The following ADAM33 variants were observed in gnomAD, a reference collection of about 807,000 sequenced individuals.
The protein encoded by ADAM33 is ADAM metallopeptidase domain 33.
A neutral mutation model predicts 106.2 loss-of-function variants in ADAM33; 103 were observed. The observed-to-expected ratio is 0.97, with a 90% CI of 0.83 to 1.14. ADAM33 has a LOEUF of 1.14. ADAM33 is among the 50% of genes most tolerant of loss of function. The pLI is 0.00. For missense variants in ADAM33, 1,120 were observed against 1,096.6 expected, an observed-to-expected ratio of 1.02 and a Z score of -0.30; for synonymous variants, 483 against 453.0, an observed-to-expected ratio of 1.07 and a Z score of -0.84.
chr20:3,677,282 T>C (rs2088059959), intron 2 of ADAM33, 139 bp from the exon 3 acceptor site: 2 of 634,096 alleles, frequency 3.2e-6, no homozygotes, highest in South Asian at 2.1e-5. Context: ...ACCCCCCACA[T>C]ACTATGGAGG....
rs2087590747 is a variant in ADAM33 at position 3,672,311 on chromosome 20, G to A, written c.1420C>T (p.Leu474=). The change falls in exon 14 of 22, where the codon CTG becomes TTG. Residue 474 remains leucine, a synonymous_variant. Coordinates refer to ENST00000356518, the MANE Select transcript of ADAM33 (RefSeq NM_025220.5). ...CAGTCACCCATGGCCTGGCGGCACA[G>A]CGCTCCAGCCGGCTTCAGCTGCGCA... The part of the protein sequence containing the change: ...VRCLLKPAGA[L]CRQAMGDCDL... The A allele has an allele frequency of 6.2e-7, 1 of 1,612,818 alleles. No homozygotes were observed. Among genetic ancestry groups the A allele is most frequent in the African/African-American group, 1.3e-5 (1 of 74,846 alleles).
intron 1 of ADAM33, among the ~76,000 whole-genome samples, chr20:3,680,807 G>A (rs553295260): frequency 3.6e-4 from 55 of 152,328 alleles, no homozygotes; most frequent in African/African-American, 1.3e-3. Flanking sequence ...CTGTCCACAT[G>A]GCCTTGCGCG....
chr20:3,668,657 G>A lies in ADAM33; in HGVS notation c.*306C>T, dbSNP rs544078183. 15 of 436,290 alleles carry A rather than the reference G, an allele frequency of 3.4e-5. No individual in the cohort carries two copies. The highest frequency in any genetic ancestry group is 7.0e-4 in the Middle Eastern group (1 of 1,436). The allele number at this position is 436,290 out of a possible 1,614,324, so 27.0% of individuals were successfully genotyped here. On this transcript the variant is annotated 3_prime_UTR_variant, in exon 22 of 22. Transcript: ENST00000356518. ...TCCCAGGACAGAGCCCTTTTGGGAT[G>A]GCCAGCACTACCCAGCCTCCACTGG...
At chr20:3,672,083 G>A in intron 14 of ADAM33, 51 bp downstream of exon 14, 1 of 1,589,926 alleles carries the variant, frequency 6.3e-7, no homozygotes, top group Non-Finnish European at 8.6e-7. Context: ...TAGAAAACTG[G>A]CCCCACCAGA....
At chr20:3,681,821 C>G (rs1037845096) in intron 1 of ADAM33, 87 bp downstream of exon 1, 3 of 1,490,122 alleles carry the variant, frequency 2.0e-6, no homozygotes, top group African/African-American at 2.9e-5. Context: ...CCTCCGCGCG[C>G]TGACCCGAGC....
At position 3,669,605 on chromosome 20, in the gene ADAM33, A is replaced by G; in HGVS notation, c.2273T>C (p.Leu758Pro). ...PKDGPHRDHP[L>P]GGVHPMELGP... ...CAACTCCATGGGGTGAACGCCGCCCAGGGGGTGGTCCCTGTGTGGGCCATC... is the reference window on the plus strand; with the variant it reads ...CAACTCCATGGGGTGAACGCCGCCCGGGGGGTGGTCCCTGTGTGGGCCATC... Residue 758 changes from leucine (L) to proline (P), a missense_variant, in exon 20 of 22, where the codon CTG becomes CCG. Transcript: ENST00000356518. 1 of 1,603,564 alleles carries G rather than the reference A, an allele frequency of 6.2e-7. No individual in the cohort carries two copies. The highest frequency in any genetic ancestry group is 8.5e-7 in the Non-Finnish European group (1 of 1,176,118).
At position 3,671,572 on chromosome 20, in the gene ADAM33, A is replaced by G. The variant is rs2087537157; in HGVS notation, c.1905+9T>C. 1 of 1,602,312 alleles carries G rather than the reference A, an allele frequency of 6.2e-7. No homozygotes were observed. Among genetic ancestry groups the G allele is most frequent in the African/African-American group, 1.3e-5 (1 of 74,700 alleles). On this transcript the variant is annotated intron_variant, in intron 16 of 21. Transcript: ENST00000356518. ...AACGGCAAGGAGGGGTCGGGTGGGC[A>G]GAGCTCACCATTCTAGGTCCACACT...
rs1187415514 is a variant in ADAM33 at position 3,672,756 on chromosome 20, C to CGGA, written c.1275_1276insTCC (p.Val425_Glu426insSer). 2 of 1,568,380 alleles carry CGGA rather than the reference C, an allele frequency of 1.3e-6. No individual in the cohort carries two copies. The highest frequency in any genetic ancestry group is 1.7e-6 in the Non-Finnish European group (2 of 1,156,876). On this transcript the variant is annotated inframe_insertion, in exon 12 of 22. Transcript: ENST00000356518. ...CCGCAGTCACACTCCTCGCCCGCTT[C>CGGA]CACGAAGCCGTTCCCGCAGAGCGCC...
intron 1 of ADAM33, 81 bp from the exon 2 acceptor site, chr20:3,679,652 G>A: frequency 7.6e-7 from 1 of 1,308,210 alleles, no homozygotes; most frequent in Non-Finnish European, 1.1e-6. Context: ...GGGGGGTAGA[G>A]GACATCCCCA....
At chr20:3,673,525 C>T in intron 10 of ADAM33, 29 bp from the exon 11 acceptor site, 3 of 1,460,182 alleles carry the variant, frequency 2.1e-6, no homozygotes, top group Non-Finnish European at 2.7e-6. Context: ...GCGGTCACTG[C>T]GGCCGTAGAG....
At chr20:3,680,305 G>A (rs2088373182) in intron 1 of ADAM33, among the ~76,000 whole-genome samples, 1 of 152,038 alleles carries the variant, frequency 6.6e-6, no homozygotes, top group South Asian at 2.1e-4. Context: ...CAGGAGCCAG[G>A]CCCCAGGCAC....
rs1324297155 is a variant in ADAM33 at position 3,681,991 on chromosome 20, G to A, written c.14C>T (p.Pro5Leu). 3.3e-6 allele frequency: 5 copies of A among 1,535,258 alleles called. No homozygotes were observed. In the African/African-American group the frequency reaches 7.0e-5, roughly 22 times the overall value. ...CAACGGGGTCCCCCGAGCTCTCCGG[G>A]GCCTCCAGCCCATAGCTGTGAGCTC... MGWRPRRARGTPLLL... is the reference protein window; with the variant it reads MGWRLRRARGTPLLL... The change falls in exon 1 of 22, where the codon CCC (proline) becomes CTC (leucine). Residue 5 changes from proline to leucine, a missense_variant. Pro to Leu is a moderately conservative substitution (Grantham distance 98, BLOSUM62 -3). Transcript: ENST00000356518.
At chr20:3,670,223 G>C (rs932029462) in intron 19 of ADAM33, 8 of 165,978 alleles carry the variant, frequency 4.8e-5, no homozygotes, top group African/African-American at 1.9e-4. Flanking sequence ...AACTCGCTTT[G>C]TCAGGGTCCT....
chr20:3,677,814 C>G (rs1413277070), intron 2 of ADAM33, among the ~76,000 whole-genome samples: 1 of 152,244 alleles, frequency 6.6e-6, no homozygotes, highest in Admixed American at 6.5e-5. Context: ...CCAGCCCTCT[C>G]TCCTTCCCCC....
In ADAM33 at chr20:3,671,022, C is replaced by A. The variant is rs41462450; in HGVS notation, c.2224G>T (p.Asp742Tyr). 2.3e-5 allele frequency: 35 copies of A among 1,551,958 alleles called. No homozygotes were observed. In the East Asian group the frequency reaches 8.5e-4, roughly 38 times the overall value. The change falls in exon 19 of 22, where the codon GAC (aspartate) becomes TAC (tyrosine). Residue 742 changes from aspartate (D) to tyrosine (Y), a missense_variant. By Grantham distance (160) the Asp-to-Tyr change is radical. Transcript: ENST00000356518. ...GGAGCCTACCCACTGCACGCAGGGT[C>A]CCTTCTGCAGCCCCAGCTGCATCGC... ...LQRCSWGCRR[D>Y]PACSGPKDGP...
At position 3,671,637 on chromosome 20, in the gene ADAM33, G is replaced by T; in HGVS notation, c.1849C>A (p.Leu617Met). 6.3e-7 allele frequency: 1 copy of T among 1,579,648 alleles called. No individual in the cohort carries two copies. Among genetic ancestry groups the T allele is most frequent in the Non-Finnish European group, 8.6e-7 (1 of 1,162,218 alleles). ...ACCAGGCCCAGGCCAAGCAGGTCCA[G>T]CTGGGCACTGGGGAGTGCCAAGGCT... ...RGALALPSAQ[L>M]DLLGLGLVEP... Residue 617 changes from leucine to methionine, a missense_variant, in exon 16 of 22, where the codon CTG (leucine) becomes ATG (methionine). Transcript: ENST00000356518.
chr20:3,673,643 C>A lies in ADAM33; in HGVS notation c.921G>T (p.Gln307His). ...CGGGCGCCAGGCCCACTGTGGCGCC[C>A]TGGAAGGCGCGGCCCCTGGGGGCGG... is the stretch of plus-strand genomic sequence containing the variant. Reference protein sequence around the residue: ...SAQLLTGRAFQGATVGLAPVE... With the variant: ...SAQLLTGRAFHGATVGLAPVE... The change falls in exon 10 of 22, where the codon CAG becomes CAT. Residue 307 changes from glutamine (Q) to histidine (H), a missense_variant. Coordinates refer to ENST00000356518, the MANE Select transcript of ADAM33 (RefSeq NM_025220.5). 7.4e-7 allele frequency: 1 copy of A among 1,349,548 alleles called. No individual in the cohort carries two copies. Among genetic ancestry groups the A allele is most frequent in the Non-Finnish European group, 9.5e-7 (1 of 1,057,940 alleles). The allele number at this position is 1,349,548 out of a possible 1,614,324, so 83.6% of individuals were successfully genotyped here. A position where few individuals can be genotyped will look rare whatever the true frequency, so the allele number is the denominator to read the frequency against.
chr20:3,673,616 G>A lies in ADAM33; in HGVS notation c.948C>T (p.Val316=). The A allele has an allele frequency of 5.1e-6, 7 of 1,360,452 alleles. No homozygotes were observed. The highest frequency in any genetic ancestry group is 6.6e-6 in the Non-Finnish European group (7 of 1,064,194). The allele number at this position is 1,360,452 out of a possible 1,614,324, so 84.3% of individuals were successfully genotyped here. The change falls in exon 10 of 22, where the codon GTC becomes GTT. Residue 316 remains valine (V), a synonymous_variant. Transcript: ENST00000356518. ...FQGATVGLAP[V]EGMCRAESSG... is the part of the protein sequence containing the mutation. ...AGCTCTCGGCGCGGCACATGCCCTC[G>A]ACGGGCGCCAGGCCCACTGTGGCGC... is the stretch of plus-strand genomic sequence containing the variant.
Position 3,672,344 on chromosome 20 carries a change from G to A in ADAM33, c.1402-15C>T. The A allele has an allele frequency of 1.2e-6, 2 of 1,610,542 alleles. No individual in the cohort carries two copies. The highest frequency in any genetic ancestry group is 2.2e-5 in the South Asian group (2 of 90,698). ...GCCGGCTTCAGCTGCGCAGGTGACG[G>A]GTGGTGGGGAAGGCAGAGAGAGGCC... On this transcript the variant is annotated splice_polypyrimidine_tract_variant and intron_variant, in intron 13 of 21. Transcript: ENST00000356518.
Sources: allele counts gnomAD v4.1 joint callset (sites outside exome capture counted in the v4.1 genomes callset), GRCh38; gene constraint gnomAD v4.1.1; transcripts MANE v1.5; gene names NCBI Gene and HGNC (gene_info 2026-07-23, HGNC 2026-07-21).